GTSF1: variants seen among roughly 807,000 people sequenced by gnomAD.
GTSF1 encodes gametocyte specific factor 1.
GTSF1 carries 11 observed loss-of-function variants against 28.9 expected under a neutral mutation model. The ratio of observed to expected loss-of-function variants is 0.38; its 90% CI spans 0.24 to 0.63. GTSF1 has a LOEUF of 0.63. Among genes scored for constraint, GTSF1 ranks in the 30% least tolerant of loss-of-function variants. The probability of loss-of-function intolerance (pLI) is 0.56; values close to 1 mark genes in which losing one functional copy is unlikely to be tolerated. For missense variants in GTSF1, 146 were observed against 201.0 expected (o/e 0.73, Z 1.66); for synonymous variants, 69 against 65.6 (o/e 1.05, Z -0.25).
chr12:54,463,596 C>T (rs1956459313), intron 3 of GTSF1, among the ~76,000 whole-genome samples: 1 of 152,114 alleles, frequency 6.6e-6, no homozygotes, highest in African/African-American at 2.4e-5. Context: ...CATCTTTCCC[C>T]CATTTATTTC....
chr12:54,469,368 C>T (rs905013030), intron 2 of GTSF1, among the ~76,000 whole-genome samples: 2 of 152,066 alleles, frequency 1.3e-5, no homozygotes, highest in African/African-American at 4.8e-5. Flanking sequence ...TGAACCACCG[C>T]ACCCAGCCTT....
chr12:54,469,050 A>G (rs1159363872), intron 2 of GTSF1: 1 of 152,240 alleles, frequency 6.6e-6, no homozygotes, highest in Non-Finnish European at 1.5e-5. Context: ...GTGTATATAT[A>G]CCATACAGGG....
intron 2 of GTSF1, among the ~76,000 whole-genome samples, chr12:54,470,512 A>G (rs1956581451): frequency 6.6e-6 from 1 of 152,204 alleles, no homozygotes; most frequent in African/African-American, 2.4e-5. Context: ...TTTAGTTGGA[A>G]CTTTTAATTA....
intron 3 of GTSF1, 150 bp downstream of exon 3, chr12:54,464,917 G>A (rs1007046088): frequency 2.0e-6 from 1 of 507,000 alleles, no homozygotes; most frequent in African/African-American, 1.9e-5. Flanking sequence ...ATGAACAAAT[G>A]CCTTTCTATA....
intron 4 of GTSF1, 111 bp from the exon 5 acceptor site, chr12:54,462,836 T>C (rs559611363): frequency 1.7e-5 from 13 of 767,462 alleles, no homozygotes; most frequent in Non-Finnish European, 2.8e-5. Flanking sequence ...TCTTTATTTC[T>C]GAAAAATGGA....
At chr12:54,469,375 CCTT>C (rs767721862) in intron 2 of GTSF1, among the ~76,000 whole-genome samples, 14 of 152,138 alleles carry the variant, frequency 9.2e-5, no homozygotes, top group Admixed American at 1.3e-4. Context: ...CCGCACCCAG[CCTT>C]CTTTTTTCTT....
intron 2 of GTSF1, among the ~76,000 whole-genome samples, chr12:54,469,386 C>CT (rs1565662044): frequency 6.6e-6 from 1 of 151,794 alleles, no homozygotes; most frequent in Non-Finnish European, 1.5e-5. Flanking sequence ...CTTCTTTTTT[C>CT]TTTTTAAGAG....
At chr12:54,465,898 A>C (rs1024334798) in intron 2 of GTSF1, among the ~76,000 whole-genome samples, 3 of 152,204 alleles carry the variant, frequency 2.0e-5, no homozygotes, top group Non-Finnish European at 4.4e-5. Context: ...AAATGAAACC[A>C]ATACTGTTAT....
At chr12:54,469,279 A>C (rs1956563682) in intron 2 of GTSF1, among the ~76,000 whole-genome samples, 2 of 152,018 alleles carry the variant, frequency 1.3e-5, no homozygotes, top group African/African-American at 4.8e-5. Flanking sequence ...GGGTTTCACT[A>C]TGTTGGGCAG....
chr12:54,473,498 A>G (rs1226695688), intron 1 of GTSF1, 48 bp downstream of exon 1: 1 of 152,206 alleles, frequency 6.6e-6, no homozygotes, highest in Non-Finnish European at 1.5e-5. Context: ...GTATCCCGGT[A>G]CGCAAAATAG....
chr12:54,465,039 G>T (rs1408161256), intron 3 of GTSF1, 28 bp downstream of exon 3: 1 of 1,360,844 alleles, frequency 7.3e-7, no homozygotes, highest in South Asian at 1.2e-5. Flanking sequence ...AACTCAGGAG[G>T]GTGTTAGAGG....
At chr12:54,467,367 T>G (rs1592322553) in intron 2 of GTSF1, among the ~76,000 whole-genome samples, 1 of 151,492 alleles carries the variant, frequency 6.6e-6, no homozygotes, top group South Asian at 2.1e-4. Context: ...CAGGCTGGAG[T>G]GCAGTTGCAC....
Position 54,459,101 on chromosome 12 carries a change from G to C in GTSF1, c.*8C>G. 2 of 1,601,076 alleles carry C rather than the reference G, an allele frequency of 1.2e-6. No individual in the cohort carries two copies. Among genetic ancestry groups the C allele is most frequent in the Non-Finnish European group, 1.7e-6 (2 of 1,170,960 alleles). On this transcript the variant is annotated 3_prime_UTR_variant, in exon 8 of 9. Coordinates refer to ENST00000305879, the MANE Select transcript of GTSF1 (RefSeq NM_144594.3). The stretch of plus-strand genomic sequence containing the variant: ...CTGAAACACTTACTTGATGAGATAG[G>C]TATTCAGTTACTGTGCATTTCCATC...
rs752364940 is a variant in GTSF1 at position 54,462,195 on chromosome 12, G to A, written c.329-23C>T. 5 of 1,582,474 alleles carry A rather than the reference G, an allele frequency of 3.2e-6. No individual in the cohort carries two copies. The South Asian group carries it at 4.4e-5, about 14-fold the overall frequency. On this transcript the variant is annotated intron_variant, in intron 5 of 8. Coordinates refer to ENST00000305879, the MANE Select transcript of GTSF1 (RefSeq NM_144594.3). ...AATCTGTTAAAGGAAGCAAAACATAGTTTGTGGTACTACTAGATAAGACAC... is the reference window on the plus strand; with the variant it reads ...AATCTGTTAAAGGAAGCAAAACATAATTTGTGGTACTACTAGATAAGACAC...
At chr12:54,462,781 C>A in intron 4 of GTSF1, 56 bp from the exon 5 acceptor site, 1 of 1,396,952 alleles carries the variant, frequency 7.2e-7, no homozygotes, top group South Asian at 1.2e-5. Context: ...TTATTGTGTT[C>A]AAAGGGGCTA....
intron 3 of GTSF1, 64 bp from the exon 4 acceptor site, chr12:54,463,361 C>T: frequency 2.6e-6 from 4 of 1,537,138 alleles, no homozygotes; most frequent in African/African-American, 1.4e-5. Flanking sequence ...CAGGGAGTAG[C>T]TAAGCCTTAT....
intron 8 of GTSF1, among the ~76,000 whole-genome samples, chr12:54,457,571 T>C (rs1275727790): frequency 6.6e-6 from 1 of 152,216 alleles, no homozygotes; most frequent in Non-Finnish European, 1.5e-5. Flanking sequence ...TGAGCCACTG[T>C]GCCCAGCCCT....
At chr12:54,456,442 C>CA (rs1956332023) in intron 8 of GTSF1, among the ~76,000 whole-genome samples, 3 of 152,214 alleles carry the variant, frequency 2.0e-5, no homozygotes, top group Admixed American at 2.0e-4. Flanking sequence ...GAAATTGATT[C>CA]ATTCATGCAA....
intron 3 of GTSF1, among the ~76,000 whole-genome samples, chr12:54,463,612 G>C (rs1956459602): frequency 1.3e-5 from 2 of 152,140 alleles, no homozygotes; most frequent in South Asian, 2.1e-4. Flanking sequence ...ATTTCTCAGA[G>C]TCACATGATT....
Sources: allele counts gnomAD v4.1 joint callset (sites outside exome capture counted in the v4.1 genomes callset), GRCh38; gene constraint gnomAD v4.1.1; transcripts MANE v1.5; gene names NCBI Gene and HGNC (gene_info 2026-07-23, HGNC 2026-07-21).